The following CDH12 variants were observed in gnomAD, a reference collection of about 807,000 sequenced individuals.
CDH12 encodes cadherin 12, also known as cadherin-12.
In CDH12, 41 loss-of-function variants were observed where a neutral mutation model predicts 74.1. The ratio of observed to expected loss-of-function variants is 0.55; its 90% CI spans 0.43 to 0.72. CDH12 has a LOEUF of 0.72. CDH12 is among the 30% of genes least tolerant of loss of function. CDH12 has a pLI of 0.00. For synonymous variants in CDH12, 399 were observed against 355.0 expected (o/e 1.12, Z -1.39); for missense variants, 945 against 977.2 (o/e 0.97, Z 0.44).
At chr5:22,396,309 G>C (rs77651285) in intron 3 of CDH12, among the ~76,000 whole-genome samples, 6,151 of 152,112 alleles carry the variant, frequency 0.04, 430 homozygotes, top group African/African-American at 0.14. Flanking sequence ...TAAAAATCTG[G>C]CTGAATCAAA....
At position 21,868,558 on chromosome 5, in the gene CDH12, T is replaced by C. The variant is rs1281563456; in HGVS notation, c.527-13768A>G. On this transcript the variant is annotated intron_variant, in intron 6 of 14. Transcript: ENST00000382254. ...ACCCCCATGTGTGCAGACATTATTC[T>C]CTACCTATAAGACTTAATGTTGTTT... Among the ~76,000 whole-genome samples the C allele has an allele frequency of 2.0e-5, 3 of 152,232 alleles. No homozygotes were observed. In the East Asian group the frequency reaches 5.8e-4, roughly 29 times the overall value.
At chr5:22,309,122 A>G (rs948214962) in intron 3 of CDH12, among the ~76,000 whole-genome samples, 3 of 152,190 alleles carry the variant, frequency 2.0e-5, no homozygotes, top group Non-Finnish European at 4.4e-5. Context: ...CATAATTCAC[A>G]AATAAATACA....
intron 3 of CDH12, among the ~76,000 whole-genome samples, chr5:22,315,317 AAAC>A (rs752143173): frequency 4.6e-5 from 7 of 151,694 alleles, no homozygotes; most frequent in African/African-American, 7.3e-5. Context: ...TTTTCACAGT[AAAC>A]AACAACAACA....
rs1744088559 is a variant in CDH12, at chr5:22,100,655, A to ACACACACACC, written c.-186-21794_-186-21793insGGTGTGTGTG. Among the ~76,000 whole-genome samples, 3 of 149,446 alleles carry ACACACACACC rather than the reference A, an allele frequency of 2.0e-5. 1 individual carries two copies. Among genetic ancestry groups the ACACACACACC allele is most frequent in the Admixed American group, 6.7e-5 (1 of 14,920 alleles). ...ATCTACTATATGCCATACATTAGAC[A>ACACACACACC]CACACACACACACACACACACACAC... On this transcript the variant is annotated intron_variant, in intron 4 of 14. Coordinates refer to ENST00000382254, the MANE Select transcript of CDH12 (RefSeq NM_004061.5).
chr5:22,587,256 C>T (rs1287369403), intron 1 of CDH12, among the ~76,000 whole-genome samples: 2 of 152,032 alleles, frequency 1.3e-5, no homozygotes, highest in Non-Finnish European at 2.9e-5. Flanking sequence ...TCACTTGCCC[C>T]TTTCACTTTC....
At chr5:22,050,029 T>C (rs1349280354) in intron 5 of CDH12, among the ~76,000 whole-genome samples, 2 of 152,112 alleles carry the variant, frequency 1.3e-5, no homozygotes, top group Non-Finnish European at 2.9e-5. Flanking sequence ...AGCTGGTGCA[T>C]TTCAAACACT....
chr5:22,046,297 C>A (rs553731788), intron 5 of CDH12, among the ~76,000 whole-genome samples: 3 of 152,104 alleles, frequency 2.0e-5, no homozygotes, highest in Admixed American at 2.0e-4. Context: ...TAATTGAGAG[C>A]AGCCAAGTCC....
intron 5 of CDH12, among the ~76,000 whole-genome samples, chr5:22,001,864 A>T (rs1736625403): frequency 6.6e-6 from 1 of 151,914 alleles, no homozygotes; most frequent in African/African-American, 2.4e-5. Flanking sequence ...TCCTTTTTTG[A>T]TGTTATCATG....
In CDH12 at chr5:22,048,104, C is replaced by T. The variant is rs145609743; in HGVS notation, c.231+30342G>A. On this transcript the variant is annotated intron_variant, in intron 5 of 14. Coordinates refer to ENST00000382254, the MANE Select transcript of CDH12 (RefSeq NM_004061.5). ...CATTGTACCCCTTTTTGCCTGGACA[C>T]ATATTGGTCATGCATTGGGTACAGG... Among the ~76,000 whole-genome samples the T allele has an allele frequency of 2.6e-4, 40 of 152,196 alleles. No individual in the cohort carries two copies. In the East Asian group the frequency reaches 6.0e-3, roughly 23 times the overall value.
At chr5:21,850,209 C>A (rs188250192) in intron 7 of CDH12, among the ~76,000 whole-genome samples, 16 of 151,472 alleles carry the variant, frequency 1.1e-4, no homozygotes, top group African/African-American at 3.6e-4. Flanking sequence ...ACAAGATAAA[C>A]AAGTTAAAAG....
chr5:22,321,951 T>C (rs1191541397), intron 3 of CDH12, among the ~76,000 whole-genome samples: 2 of 152,166 alleles, frequency 1.3e-5, no homozygotes, highest in Non-Finnish European at 2.9e-5. Context: ...GATAGAACAA[T>C]TGACTATTTT....
chr5:21,982,836 C>A lies in CDH12; in HGVS notation c.232-7451G>T, dbSNP rs1365404266. On this transcript the variant is annotated intron_variant, in intron 5 of 14. Transcript: ENST00000382254. ...TTTATTACCAAATAATTTGTATTTC[C>A]TATGTAATTGCTGTAGTTTTATTTT... Among the ~76,000 whole-genome samples, 13 of 151,768 alleles carry A rather than the reference C, an allele frequency of 8.6e-5. No individual in the cohort carries two copies. The East Asian group carries it at 2.5e-3, about 29-fold the overall frequency.
intron 7 of CDH12, among the ~76,000 whole-genome samples, chr5:21,848,766 CAGG>C (rs1299839033): frequency 1.3e-5 from 2 of 151,842 alleles, no homozygotes; most frequent in Non-Finnish European, 2.9e-5. Flanking sequence ...CCACTTCCTC[CAGG>C]AGTTCTTTCT....
intron 1 of CDH12, among the ~76,000 whole-genome samples, chr5:22,715,799 T>TAAA (rs112471843): frequency 8.3e-6 from 1 of 121,012 alleles, no homozygotes; most frequent in African/African-American, 3.1e-5. Context: ...AGATCCCATC[T>TAAA]AAAAAAAAAA....
intron 6 of CDH12, among the ~76,000 whole-genome samples, chr5:21,899,673 T>A (rs1351585685): frequency 1.3e-5 from 2 of 150,320 alleles, no homozygotes; most frequent in African/African-American, 4.9e-5. Context: ...TATAAAGAAA[T>A]GTATAGAGGA....
intron 4 of CDH12, among the ~76,000 whole-genome samples, chr5:22,117,100 C>T (rs1467033586): frequency 6.6e-6 from 1 of 151,564 alleles, no homozygotes; most frequent in African/African-American, 2.4e-5. Context: ...CGTAAACTCA[C>T]TCAAGTTAGG....
At chr5:22,329,895 G>A (rs574133225) in intron 3 of CDH12, among the ~76,000 whole-genome samples, 2 of 152,290 alleles carry the variant, frequency 1.3e-5, no homozygotes, top group South Asian at 4.1e-4. Context: ...AGTGTTCTGG[G>A]CTCCTAGGTA....
At chr5:22,489,730 C>A in intron 2 of CDH12, among the ~76,000 whole-genome samples, 2 of 140,360 alleles carry the variant, frequency 1.4e-5, no homozygotes, top group African/African-American at 2.7e-5. Flanking sequence ...GGGTCTCCCT[C>A]TGTGGCCCAG....
intron 2 of CDH12, among the ~76,000 whole-genome samples, chr5:22,441,031 C>T (rs1004620751): frequency 1.2e-4 from 19 of 152,254 alleles, no homozygotes; most frequent in African/African-American, 4.3e-4. Flanking sequence ...TGGTGCTTCA[C>T]ACTTCTGGTC....
Sources: allele counts gnomAD v4.1 joint callset (sites outside exome capture counted in the v4.1 genomes callset), GRCh38; gene constraint gnomAD v4.1.1; transcripts MANE v1.5; gene names NCBI Gene and HGNC (gene_info 2026-07-23, HGNC 2026-07-21).